IMMP2L: variants seen among roughly 807,000 people sequenced by gnomAD.
The protein encoded by IMMP2L is inner mitochondrial membrane peptidase subunit 2.
Under a neutral mutation model 19.3 loss-of-function variants are expected in IMMP2L, and 18 were observed. The ratio of observed to expected loss-of-function variants is 0.93; its 90% CI spans 0.64 to 1.38. The LOEUF is 1.38. IMMP2L is among the 40% of genes most tolerant of loss of function. IMMP2L has a pLI of 0.00. For synonymous variants in IMMP2L, 76 were observed against 73.0 expected (o/e 1.04, Z -0.21); for missense variants, 233 against 218.2 (o/e 1.07, Z -0.43).
intron 2 of IMMP2L, among the ~76,000 whole-genome samples, chr7:111,520,464 C>T (rs926176689): frequency 4.6e-5 from 7 of 152,090 alleles, no homozygotes; most frequent in African/African-American, 1.7e-4. Flanking sequence ...ATAAAGCAAA[C>T]TAATTCTAAC....
At chr7:110,765,259 T>C (rs1232556305) in intron 5 of IMMP2L, among the ~76,000 whole-genome samples, 3 of 152,150 alleles carry the variant, frequency 2.0e-5, no homozygotes. Flanking sequence ...TTGCTAAGGT[T>C]AATGGTGAAT....
intron 5 of IMMP2L, among the ~76,000 whole-genome samples, chr7:110,795,428 G>A (rs576961296): frequency 6.6e-6 from 1 of 152,116 alleles, no homozygotes; most frequent in African/African-American, 2.4e-5. Flanking sequence ...ACAAGCAAGG[G>A]ACTTTCTTTC....
chr7:110,971,676 A>C (rs888764520), intron 3 of IMMP2L, among the ~76,000 whole-genome samples: 3 of 152,128 alleles, frequency 2.0e-5, no homozygotes, highest in Non-Finnish European at 4.4e-5. Flanking sequence ...AGGACACTTA[A>C]GTCTTGCTTG....
intron 3 of IMMP2L, among the ~76,000 whole-genome samples, chr7:111,367,362 C>T (rs1829871013): frequency 6.6e-6 from 1 of 151,784 alleles, no homozygotes; most frequent in Non-Finnish European, 1.5e-5. Context: ...GAGTAACAAT[C>T]ATTAATTTGT....
At chr7:111,255,319 T>C (rs17539223) in intron 3 of IMMP2L, among the ~76,000 whole-genome samples, 6,653 of 152,106 alleles carry the variant, frequency 0.044, 224 homozygotes, top group South Asian at 0.083. Flanking sequence ...AAGCACAACA[T>C]TGACAGCTGC....
intron 3 of IMMP2L, among the ~76,000 whole-genome samples, chr7:111,448,203 CG>C (rs1838725016): frequency 8.0e-6 from 1 of 125,558 alleles, no homozygotes; most frequent in Non-Finnish European, 1.6e-5. Flanking sequence ...CTGCACCAAG[CG>C]GACCTAATAG....
intron 3 of IMMP2L, among the ~76,000 whole-genome samples, chr7:111,116,574 G>T (rs1799904565): frequency 6.6e-6 from 1 of 151,974 alleles, no homozygotes; most frequent in Admixed American, 6.5e-5. Flanking sequence ...CAATTTCACA[G>T]GACATTAACA....
chr7:110,790,937 C>T (rs557520458), intron 5 of IMMP2L, among the ~76,000 whole-genome samples: 40 of 151,318 alleles, frequency 2.6e-4, no homozygotes, highest in Non-Finnish European at 5.1e-4. Context: ...TGGAGAAGCA[C>T]CCCTGACACC....
intron 5 of IMMP2L, among the ~76,000 whole-genome samples, chr7:110,695,433 C>T (rs1207631571): frequency 4.6e-5 from 7 of 152,056 alleles, no homozygotes; most frequent in African/African-American, 1.7e-4. Flanking sequence ...CTCAAGCAAT[C>T]CTCCCACCTC....
intron 3 of IMMP2L, among the ~76,000 whole-genome samples, chr7:111,469,762 A>G (rs1841043250): frequency 2.0e-5 from 3 of 152,196 alleles, no homozygotes; most frequent in African/African-American, 7.2e-5. Context: ...ACCTAAAACC[A>G]TAAAAACCCT....
At chr7:110,772,148 T>C (rs1456229942) in intron 5 of IMMP2L, among the ~76,000 whole-genome samples, 2 of 152,040 alleles carry the variant, frequency 1.3e-5, no homozygotes, top group Non-Finnish European at 2.9e-5. Flanking sequence ...GGAATACTGA[T>C]GTGGTAGAAA....
At chr7:111,228,939 G>T (rs956926831) in intron 3 of IMMP2L, among the ~76,000 whole-genome samples, 2 of 150,990 alleles carry the variant, frequency 1.3e-5, no homozygotes, top group African/African-American at 4.9e-5. Context: ...ATGGTGCAAA[G>T]AGGTAATTCA....
rs182209857 is a variant in IMMP2L, at chr7:111,464,938, G to A, written c.239+22300C>T. Among the ~76,000 whole-genome samples, 166 of 152,118 alleles carry A rather than the reference G, an allele frequency of 1.1e-3. 3 individuals carry two copies. The highest frequency in any genetic ancestry group is 8.9e-3 in the Admixed American group (136 of 15,280). ...CAAGTAGCTGGGACTACAGGCGCCC[G>A]CCACCAGGCCCGGCTAATTTTGTTC... On this transcript the variant is annotated intron_variant, in intron 3 of 5. Coordinates refer to ENST00000405709, the MANE Select transcript of IMMP2L (RefSeq NM_032549.4).
chr7:111,036,569 C>A (rs901389738), intron 3 of IMMP2L, among the ~76,000 whole-genome samples: 2 of 152,036 alleles, frequency 1.3e-5, no homozygotes, highest in African/African-American at 4.8e-5. Context: ...GATCTTTGTT[C>A]TCTTTCATTC....
chr7:111,513,225 G>A (rs971546268), intron 2 of IMMP2L, among the ~76,000 whole-genome samples: 2 of 151,888 alleles, frequency 1.3e-5, no homozygotes, highest in Non-Finnish European at 1.5e-5. Context: ...ATCTAATAAG[G>A]GGTTAATGTA....
At position 110,984,220 on chromosome 7, in the gene IMMP2L, C is replaced by T. The variant is rs148190686; in HGVS notation, c.240-20655G>A. ...AAGAAACAGAGACAAAAATGGGTCA[C>T]GTCAGATATCAGATTAATTTTAAAT... On this transcript the variant is annotated intron_variant, in intron 3 of 5. Transcript: ENST00000405709. Among the ~76,000 whole-genome samples the T allele has an allele frequency of 7.0e-3, 1,057 of 151,414 alleles. 8 individuals carry two copies. Among genetic ancestry groups the T allele is most frequent in the Middle Eastern group, 0.02 (6 of 294 alleles).
At chr7:111,518,443 A>T (rs1263251770) in intron 2 of IMMP2L, among the ~76,000 whole-genome samples, 1 of 152,092 alleles carries the variant, frequency 6.6e-6, no homozygotes, top group Non-Finnish European at 1.5e-5. Flanking sequence ...GACCTTCAAG[A>T]GTGGCTTTTC....
intron 3 of IMMP2L, among the ~76,000 whole-genome samples, chr7:111,229,639 C>T (rs1408324419): frequency 6.6e-6 from 1 of 151,832 alleles, no homozygotes; most frequent in Non-Finnish European, 1.5e-5. Context: ...GGAGAAACCT[C>T]AACAATGGAT....
chr7:111,450,135 C>CATTTA (rs1224163514), intron 3 of IMMP2L, among the ~76,000 whole-genome samples: 1 of 151,662 alleles, frequency 6.6e-6, no homozygotes, highest in Non-Finnish European at 1.5e-5. Flanking sequence ...GCCATACTGC[C>CATTTA]CAAGGTAATT....
Sources: gnomAD v4.1 joint callset for allele counts (sites outside exome capture counted in the v4.1 genomes callset) on GRCh38, gnomAD v4.1.1 for gene constraint, MANE v1.5 for transcripts, NCBI Gene and HGNC (gene_info 2026-07-23, HGNC 2026-07-21) for gene names.